NCOA1: variants seen among roughly 807,000 people sequenced by gnomAD.
The protein encoded by NCOA1 is nuclear receptor coactivator 1.
A neutral mutation model predicts 150.9 loss-of-function variants in NCOA1; 35 were observed. The ratio of observed to expected loss-of-function variants is 0.23; its 90% CI spans 0.18 to 0.31. The LOEUF is 0.31. NCOA1 is among the 10% of genes least tolerant of loss of function. NCOA1 has a pLI of 1.00. For missense variants in NCOA1, 1,491 were observed against 1,749.3 expected (o/e 0.85, Z 2.63); for synonymous variants, 590 against 630.0 (o/e 0.94, Z 0.95).
chr2:24,752,542 A>G (rs1572684602), intron 20 of NCOA1, among the ~76,000 whole-genome samples: 2 of 152,232 alleles, frequency 1.3e-5, no homozygotes, highest in East Asian at 3.8e-4. Context: ...AAAGTGATCT[A>G]GGTCCCCAAC....
chr2:24,536,932 G>T (rs1024952538), intron 1 of NCOA1, among the ~76,000 whole-genome samples: 5 of 152,046 alleles, frequency 3.3e-5, no homozygotes, highest in African/African-American at 1.2e-4. Flanking sequence ...GTACACAGAG[G>T]CATACAGAGA....
At chr2:24,554,714 A>T (rs1665999028) in intron 1 of NCOA1, 1 of 152,112 alleles carries the variant, frequency 6.6e-6, no homozygotes, top group East Asian at 1.9e-4. Flanking sequence ...AGCCAGCAAC[A>T]TGTTGGTGCT....
intron 1 of NCOA1, chr2:24,556,146 T>A (rs1056860288): frequency 1.4e-4 from 22 of 152,384 alleles, no homozygotes; most frequent in African/African-American, 5.1e-4. Flanking sequence ...TCTGATACTC[T>A]CTCTTCCCCC....
chr2:24,576,140 T>A (rs2148293080), intron 2 of NCOA1, among the ~76,000 whole-genome samples: 1 of 149,648 alleles, frequency 6.7e-6, no homozygotes, highest in East Asian at 2.0e-4. Context: ...CAGAAATTAT[T>A]TGGCCTTTGT....
intron 3 of NCOA1, among the ~76,000 whole-genome samples, chr2:24,631,021 GTCA>G (rs1311741001): frequency 6.6e-6 from 1 of 152,028 alleles, no homozygotes; most frequent in Non-Finnish European, 1.5e-5. Context: ...CATGACTTGT[GTCA>G]TCATTGATAA....
At position 24,694,006 on chromosome 2, in the gene NCOA1, G is replaced by A. The variant is rs558508288; in HGVS notation, c.808+659G>A. On this transcript the variant is annotated intron_variant, in intron 10 of 22. Coordinates refer to ENST00000348332, the MANE Select transcript of NCOA1 (RefSeq NM_003743.5). ...TTAAAGTATGGGTCTTGGAAGGGGG[G>A]CAGCAAGAAAGGGTCTTGATGCAGA... Among the ~76,000 whole-genome samples, 4 of 152,256 alleles carry A rather than the reference G, an allele frequency of 2.6e-5. No homozygotes were observed. The East Asian group carries it at 7.7e-4, about 29-fold the overall frequency.
chr2:24,749,195 C>T (rs1036458963), intron 19 of NCOA1, among the ~76,000 whole-genome samples: 2 of 152,174 alleles, frequency 1.3e-5, no homozygotes, highest in Non-Finnish European at 2.9e-5. Flanking sequence ...AGACAAAGTA[C>T]ATTCAACAGT....
At chr2:24,609,953 T>C (rs1041761488) in intron 3 of NCOA1, among the ~76,000 whole-genome samples, 8 of 152,028 alleles carry the variant, frequency 5.3e-5, no homozygotes, top group African/African-American at 1.9e-4. Flanking sequence ...GTGATACGGT[T>C]TTAAGTTTTG....
intron 4 of NCOA1, among the ~76,000 whole-genome samples, chr2:24,647,176 A>G (rs1280041484): frequency 2.6e-5 from 4 of 152,090 alleles, no homozygotes; most frequent in South Asian, 2.1e-4. Context: ...CTCTTACTGG[A>G]TATATTAAGG....
chr2:24,664,198 G>A (rs964738338), intron 5 of NCOA1, among the ~76,000 whole-genome samples: 7 of 151,980 alleles, frequency 4.6e-5, no homozygotes, highest in African/African-American at 1.7e-4. Context: ...TCTTGTTGTG[G>A]GAGTTATAAA....
chr2:24,643,693 C>G (rs1485007516), intron 3 of NCOA1, among the ~76,000 whole-genome samples: 1 of 152,048 alleles, frequency 6.6e-6, no homozygotes, highest in Non-Finnish European at 1.5e-5. Flanking sequence ...TTTTAAAAGA[C>G]ATGTAAATGA....
intron 2 of NCOA1, among the ~76,000 whole-genome samples, chr2:24,566,209 C>A (rs373423603): frequency 1.3e-5 from 2 of 152,180 alleles, no homozygotes; most frequent in African/African-American, 4.8e-5. Flanking sequence ...AGGAGACTTG[C>A]AATAGGTAGC....
At chr2:24,523,691 G>T (rs1433068596) in intron 1 of NCOA1, among the ~76,000 whole-genome samples, 27 of 147,820 alleles carry the variant, frequency 1.8e-4, no homozygotes, top group African/African-American at 6.4e-4. Flanking sequence ...ACTTTCGGAG[G>T]CCGAGGTGGG....
At chr2:24,589,156 A>G (rs1261973164) in intron 3 of NCOA1, among the ~76,000 whole-genome samples, 1 of 152,074 alleles carries the variant, frequency 6.6e-6, no homozygotes, top group Non-Finnish European at 1.5e-5. Flanking sequence ...AAGACCCTCA[A>G]TCTATCTACT....
At chr2:24,739,144 T>TTTTG (rs201479515) in intron 17 of NCOA1, among the ~76,000 whole-genome samples, 7 of 152,086 alleles carry the variant, frequency 4.6e-5, no homozygotes, top group South Asian at 2.1e-4. Context: ...TTTTTTGTTG[T>TTTTG]TTTGTTTGTT....
At chr2:24,611,264 G>T (rs770416516) in intron 3 of NCOA1, among the ~76,000 whole-genome samples, 4 of 152,060 alleles carry the variant, frequency 2.6e-5, no homozygotes, top group Non-Finnish European at 5.9e-5. Context: ...CCACGTTGTC[G>T]CAAGTGGCAT....
At chr2:24,651,406 T>C (rs1168510874) in intron 4 of NCOA1, among the ~76,000 whole-genome samples, 1 of 152,040 alleles carries the variant, frequency 6.6e-6, no homozygotes, top group Non-Finnish European at 1.5e-5. Flanking sequence ...TGCCACAACA[T>C]AGGTGAGCCT....
At chr2:24,604,769 C>T (rs933510431) in intron 3 of NCOA1, among the ~76,000 whole-genome samples, 2 of 152,140 alleles carry the variant, frequency 1.3e-5, no homozygotes, top group Non-Finnish European at 2.9e-5. Flanking sequence ...TTTGTGTGTT[C>T]GCTGGAGTAG....
At chr2:24,511,349 G>A (rs1452559522) in intron 1 of NCOA1, among the ~76,000 whole-genome samples, 1 of 152,164 alleles carries the variant, frequency 6.6e-6, no homozygotes, top group East Asian at 1.9e-4. Flanking sequence ...TGTGAGAACG[G>A]CAAAACTGTT....
Sources: allele counts gnomAD v4.1 joint callset (sites outside exome capture counted in the v4.1 genomes callset), GRCh38; gene constraint gnomAD v4.1.1; transcripts MANE v1.5; gene names NCBI Gene and HGNC (gene_info 2026-07-23, HGNC 2026-07-21).